Variants in NELL2 observed in about 807,000 individuals in gnomAD.
The protein encoded by NELL2 is protein kinase C-binding protein NELL2.
NELL2 carries 41 observed loss-of-function variants against 109.6 expected under a neutral mutation model. The ratio of observed to expected loss-of-function variants is 0.37; its 90% confidence interval spans 0.29 to 0.49. NELL2 has a LOEUF of 0.49. NELL2 is among the 20% of genes least tolerant of loss of function. The pLI is 0.98. For missense variants in NELL2, 900 were observed against 1,008.3 expected (o/e 0.89, Z 1.45); for synonymous variants, 355 against 344.7 (o/e 1.03, Z -0.33).
chr12:44,837,064 T>C (rs908582162), intron 2 of NELL2, among the ~76,000 whole-genome samples: 1 of 151,946 alleles, frequency 6.6e-6, no homozygotes, highest in Non-Finnish European at 1.5e-5. Flanking sequence ...TCTAGGAGAG[T>C]GCCTGGCACA....
chr12:44,889,685 AG>A (rs1945511960), intron 1 of NELL2, among the ~76,000 whole-genome samples: 1 of 150,778 alleles, frequency 6.6e-6, no homozygotes. Flanking sequence ...TTTTCTCTTC[AG>A]CCTGTAAACT....
intron 13 of NELL2, among the ~76,000 whole-genome samples, chr12:44,641,865 G>A (rs554396093): frequency 1.1e-4 from 16 of 151,838 alleles, no homozygotes; most frequent in Non-Finnish European, 1.5e-4. Context: ...CCCGGCTAAC[G>A]TTTTGCATGT....
chr12:44,529,319 G>A (rs1941940589), intron 16 of NELL2, among the ~76,000 whole-genome samples: 1 of 152,176 alleles, frequency 6.6e-6, no homozygotes, highest in African/African-American at 2.4e-5. Context: ...ACTCTAAGAT[G>A]TAGTTCTGGG....
intron 16 of NELL2, among the ~76,000 whole-genome samples, chr12:44,528,886 C>T (rs966249938): frequency 1.3e-5 from 2 of 152,088 alleles, no homozygotes; most frequent in African/African-American, 4.8e-5. Context: ...GAAGGGCATT[C>T]CACATAAAGT....
intron 13 of NELL2, among the ~76,000 whole-genome samples, chr12:44,623,591 C>A (rs1248327310): frequency 6.6e-6 from 1 of 152,040 alleles, no homozygotes; most frequent in African/African-American, 2.4e-5. Flanking sequence ...TCTCACTGTG[C>A]CTCACAGAGG....
At chr12:44,859,180 T>C (rs1404894221) in intron 2 of NELL2, among the ~76,000 whole-genome samples, 2 of 152,244 alleles carry the variant, frequency 1.3e-5, no homozygotes, top group African/African-American at 4.8e-5. Flanking sequence ...CTTTCCCTAT[T>C]ATATTGTGAT....
At chr12:44,532,923 G>C (rs537717551) in intron 15 of NELL2, among the ~76,000 whole-genome samples, 1 of 152,144 alleles carries the variant, frequency 6.6e-6, no homozygotes, top group African/African-American at 2.4e-5. Flanking sequence ...CATCTAGAAG[G>C]CTTCTTTGAT....
intron 15 of NELL2, among the ~76,000 whole-genome samples, chr12:44,561,925 C>T (rs1374413959): frequency 6.6e-6 from 1 of 152,182 alleles, no homozygotes; most frequent in Non-Finnish European, 1.5e-5. Context: ...AACTACAGTA[C>T]AAGACTACAG....
intron 3 of NELL2, among the ~76,000 whole-genome samples, chr12:44,794,401 A>G (rs1429489916): frequency 6.6e-6 from 1 of 152,176 alleles, no homozygotes; most frequent in African/African-American, 2.4e-5. Context: ...AGGCAAGACC[A>G]TGACACACTC....
At chr12:44,611,649 A>G (rs1592204891) in intron 13 of NELL2, among the ~76,000 whole-genome samples, 1 of 152,104 alleles carries the variant, frequency 6.6e-6, no homozygotes, top group Non-Finnish European at 1.5e-5. Flanking sequence ...GAAAGCATTG[A>G]ATTACTTGAT....
chr12:44,714,689 G>C lies in NELL2; in HGVS notation c.1047C>G (p.Val349=). 6.2e-7 allele frequency: 1 copy of C among 1,603,796 alleles called. No individual in the cohort carries two copies. The highest frequency in any genetic ancestry group is 8.5e-7 in the Non-Finnish European group (1 of 1,176,056). The stretch of plus-strand genomic sequence containing the variant: ...GAACACATACTCCAGAAGAGGAATA[G>C]ACTGTATTTCTTTCTCCTTCAAAGT... ...RTYFEGERNT[V]YSSSGVCVLY... The change falls in exon 10 of 20, where the codon GTC becomes GTG. Residue 349 remains valine (V), a synonymous_variant. Coordinates refer to ENST00000429094, the MANE Select transcript of NELL2 (RefSeq NM_001145108.2).
At position 44,589,135 on chromosome 12, in the gene NELL2, T is replaced by C. The variant is rs565242276; in HGVS notation, c.1663+18034A>G. 5.3e-5 allele frequency among the ~76,000 whole-genome samples: 8 copies of C among 152,266 alleles called. No individual in the cohort carries two copies. The East Asian group carries it at 1.4e-3, about 26-fold the overall frequency. On this transcript the variant is annotated intron_variant, in intron 15 of 19. Coordinates refer to ENST00000429094, the MANE Select transcript of NELL2 (RefSeq NM_001145108.2). ...ACTGTAAGTAGCAGAACTTCAACAA[T>C]GAACTCCAGCAACCTGACTCCAAAG...
rs752872817 is a variant in NELL2 at position 44,774,818 on chromosome 12, C to A, written c.923G>T (p.Cys308Phe). ...NGTIQCETLI[C>F]PNPDCPLKSA... ...CTTAAGTGGGCAGTCAGGATTTGGG[C>A]AGATTAGAGTTTCACACTGGATGGT... Residue 308 changes from cysteine to phenylalanine, a missense_variant, in exon 9 of 20, where the codon TGC becomes TTC. Around this residue, in one of 4 missense-constraint regions of NELL2, gnomAD observed 292 missense variants for 265.3 expected, o/e 1.10. Coordinates refer to ENST00000429094, the MANE Select transcript of NELL2 (RefSeq NM_001145108.2). 3 of 1,614,026 alleles carry A rather than the reference C, an allele frequency of 1.9e-6. No individual in the cohort carries two copies. The East Asian group carries it at 6.7e-5, about 36-fold the overall frequency.
Position 44,780,109 on chromosome 12 carries a change from G to A in NELL2, c.336-87C>T, listed in dbSNP as rs1432404603. On this transcript the variant is annotated intron_variant, in intron 3 of 19. Transcript: ENST00000429094. The stretch of plus-strand genomic sequence containing the variant: ...TCTCTGTCTACGGGATGGAATAGAT[G>A]TACTTTTCCTAGTTCTCCCACTAAG... The A allele has an allele frequency of 5.8e-6, 8 of 1,390,218 alleles. No individual in the cohort carries two copies. In the East Asian group the frequency reaches 1.9e-4, roughly 32 times the overall value. 86.1% of individuals were successfully genotyped at this position (1,390,218 alleles called of 1,614,324 possible).
chr12:44,741,804 C>A (rs940582936), intron 9 of NELL2, among the ~76,000 whole-genome samples: 1 of 152,226 alleles, frequency 6.6e-6, no homozygotes, highest in South Asian at 2.1e-4. Flanking sequence ...GTAAACAAAG[C>A]AGCCTGGAAG....
intron 10 of NELL2, among the ~76,000 whole-genome samples, chr12:44,713,578 C>CA (rs543943051): frequency 4.3e-4 from 65 of 152,042 alleles, no homozygotes; most frequent in African/African-American, 1.5e-3. Flanking sequence ...TGAGAACCTA[C>CA]ATCATTGGAA....
At chr12:44,852,745 G>A (rs1373970417) in intron 2 of NELL2, among the ~76,000 whole-genome samples, 1 of 152,012 alleles carries the variant, frequency 6.6e-6, no homozygotes, top group Non-Finnish European at 1.5e-5. Context: ...ATGATTCAGA[G>A]TGAATGCTCA....
At chr12:44,553,614 A>C (rs1053290689) in intron 15 of NELL2, among the ~76,000 whole-genome samples, 12 of 152,218 alleles carry the variant, frequency 7.9e-5, no homozygotes, top group Admixed American at 7.2e-4. Flanking sequence ...AGAATAGTAT[A>C]TGTTTGAAGG....
chr12:44,741,341 A>G (rs1474379408), intron 9 of NELL2, among the ~76,000 whole-genome samples: 1 of 152,192 alleles, frequency 6.6e-6, no homozygotes, highest in Non-Finnish European at 1.5e-5. Flanking sequence ...AGATGGCCAA[A>G]TAGGAACAGC....
Sources: gnomAD v4.1 joint callset for allele counts (sites outside exome capture counted in the v4.1 genomes callset) on GRCh38, gnomAD v4.1.1 for gene constraint, gnomAD v4.1.1 regional missense constraint, MANE v1.5 for transcripts, NCBI Gene and HGNC (gene_info 2026-07-23, HGNC 2026-07-21) for gene names.